SPTBN1: variants seen among roughly 807,000 people sequenced by gnomAD.
SPTBN1 encodes the protein spectrin beta chain, non-erythrocytic 1.
A neutral mutation model predicts 266.4 loss-of-function variants in SPTBN1; 32 were observed. That is an observed-to-expected ratio of 0.12 (90% CI 0.09 to 0.16). The LOEUF (loss-of-function observed/expected upper bound fraction) is 0.16. Ranked by LOEUF, SPTBN1 falls within the 10% of genes least tolerant of loss-of-function variation. The probability of loss-of-function intolerance (pLI) is 1.00; values close to 1 mark genes in which losing one functional copy is unlikely to be tolerated. For missense variants in SPTBN1, 2,296 were observed against 3,067.1 expected (o/e 0.75, Z 5.94); for synonymous variants, 1,336 against 1,162.2 (o/e 1.15, Z -3.04).
At chr2:54,665,804 G>T in intron 33 of SPTBN1, 111 bp from the exon 34 acceptor site, 1 of 1,249,720 alleles carries the variant, frequency 8.0e-7, no homozygotes, top group Non-Finnish European at 1.1e-6. Flanking sequence ...GTTGGGTGGG[G>T]TCACACTGTG....
intron 2 of SPTBN1, among the ~76,000 whole-genome samples, chr2:54,549,289 CA>C (rs35199228): frequency 0.64 from 69,125 of 108,606 alleles, 19,572 homozygotes; most frequent in Middle Eastern, 0.66. Context: ...AACTCTGTCT[CA>C]AAAAAAAAAA....
chr2:54,533,726 T>A lies in SPTBN1; in HGVS notation c.148+7160T>A, dbSNP rs918417052. ...CCACCACACCTGGCTAATTTTTGTA[T>A]TTTTAGTAGAGACGGGGTTTCACCA... is the stretch of plus-strand genomic sequence containing the variant. On this transcript the variant is annotated intron_variant, in intron 2 of 35. Coordinates refer to ENST00000356805, the MANE Select transcript of SPTBN1 (RefSeq NM_003128.3). This position sits in a 1 kb window ranked among gnomAD's most constrained non-coding sequence, Gnocchi z 4.2. 2.0e-5 allele frequency among the ~76,000 whole-genome samples: 3 copies of A among 152,130 alleles called. No homozygotes were observed. The highest frequency in any genetic ancestry group is 2.9e-5 in the Non-Finnish European group (2 of 67,998).
intron 3 of SPTBN1, among the ~76,000 whole-genome samples, chr2:54,602,779 C>T (rs1339944722): frequency 6.6e-6 from 1 of 152,172 alleles, no homozygotes; most frequent in Non-Finnish European, 1.5e-5. Context: ...TCAAAGCAGG[C>T]TGAGCTAGGT....
Position 54,558,657 on chromosome 2 carries a change from C to T in SPTBN1, c.148+32091C>T. ...CAGATCACCCTGCTGGACTTGCAGA[C>T]CGGAATGGGGCTCGCCTAAGGAGCC... On this transcript the variant is annotated intron_variant, in intron 2 of 35. Coordinates refer to ENST00000356805, the MANE Select transcript of SPTBN1 (RefSeq NM_003128.3). This position sits in a 1 kb window ranked among gnomAD's most constrained non-coding sequence, Gnocchi z 4.6. 6.7e-7 allele frequency: 1 copy of T among 1,496,578 alleles called. No individual in the cohort carries two copies. Among genetic ancestry groups the T allele is most frequent in the Non-Finnish European group, 8.9e-7 (1 of 1,121,676 alleles). The allele number at this position is 1,496,578 out of a possible 1,614,324, so 92.7% of individuals were successfully genotyped here. A position where few individuals can be genotyped will look rare whatever the true frequency, so the allele number is the denominator to read the frequency against.
At chr2:54,635,256 A>G (rs1679041103) in intron 17 of SPTBN1, among the ~76,000 whole-genome samples, 1 of 152,230 alleles carries the variant, frequency 6.6e-6, no homozygotes, top group African/African-American at 2.4e-5. Context: ...CAACATGGAG[A>G]GAATTTCCTG....
intron 34 of SPTBN1, 116 bp downstream of exon 34, chr2:54,666,204 A>C: frequency 2.7e-6 from 3 of 1,123,104 alleles, no homozygotes; most frequent in Non-Finnish European, 2.5e-6. Flanking sequence ...TGCCATTTTA[A>C]ATCCCCAATA....
Position 54,649,254 on chromosome 2 carries a change from C to CA in SPTBN1, c.5202+65dup, listed in dbSNP as rs1680112630. On this transcript the variant is annotated intron_variant, in intron 25 of 35. Coordinates refer to ENST00000356805, the MANE Select transcript of SPTBN1 (RefSeq NM_003128.3). The surrounding 1 kb of genome is among the most constrained non-coding windows in gnomAD (Gnocchi z 6.7). ...AAGCGATGGTGTGGAAGGCCATTTGCATTCCTTGTCTGTGAGCAGATAAAA... is the reference window on the plus strand; with the variant it reads ...AAGCGATGGTGTGGAAGGCCATTTGCAATTCCTTGTCTGTGAGCAGATAAAA... 10 of 1,499,496 alleles carry CA rather than the reference C, an allele frequency of 6.7e-6. No individual in the cohort carries two copies. Among genetic ancestry groups the CA allele is most frequent in the Non-Finnish European group, 9.0e-6 (10 of 1,105,038 alleles). The allele number at this position is 1,499,496 out of a possible 1,614,324, so 92.9% of individuals were successfully genotyped here.
In SPTBN1 at chr2:54,659,269, G is replaced by C. The variant is rs1168885053; in HGVS notation, c.6356+3G>C. ...GAAGCCGAGTCCCAGCAGCAGTGGT[G>C]AGTCCCAGCAGCTCCAGAGGCTGGA... On this transcript the variant is annotated splice_donor_region_variant and intron_variant, in intron 31 of 35. Coordinates refer to ENST00000356805, the MANE Select transcript of SPTBN1 (RefSeq NM_003128.3). The C allele has an allele frequency of 6.2e-7, 1 of 1,613,956 alleles. No individual in the cohort carries two copies.
At chr2:54,655,681 C>A (rs1181992311) in intron 28 of SPTBN1, among the ~76,000 whole-genome samples, 1 of 152,258 alleles carries the variant, frequency 6.6e-6, no homozygotes, top group African/African-American at 2.4e-5. Context: ...AGCCTCCTCA[C>A]GACAAAACAG....
intron 2 of SPTBN1, chr2:54,546,769 C>T (rs1672262445): frequency 6.6e-6 from 1 of 151,830 alleles, no homozygotes; most frequent in Non-Finnish European, 1.5e-5. Flanking sequence ...ATCTTTTTTC[C>T]TAAGGGTGGA....
chr2:54,632,907 A>G (rs1174072896), intron 17 of SPTBN1, 139 bp downstream of exon 17: 5 of 889,742 alleles, frequency 5.6e-6, no homozygotes, highest in African/African-American at 1.7e-5. Context: ...AAGTTCATCT[A>G]CCCATACAGA....
chr2:54,606,660 A>G (rs1341633665), intron 3 of SPTBN1, among the ~76,000 whole-genome samples: 1 of 152,224 alleles, frequency 6.6e-6, no homozygotes, highest in East Asian at 1.9e-4. Context: ...ATGAGAAATG[A>G]TAGCTGATCC....
At chr2:54,500,145 G>A (rs1476417105) in intron 1 of SPTBN1, among the ~76,000 whole-genome samples, 1 of 152,192 alleles carries the variant, frequency 6.6e-6, no homozygotes, top group Non-Finnish European at 1.5e-5. Flanking sequence ...AAGAAAAATG[G>A]CAAGTAGTCA....
In SPTBN1 at chr2:54,612,307, C is replaced by T. The variant is rs1162974099; in HGVS notation, c.447C>T (p.Leu149=). The T allele has an allele frequency of 6.2e-7, 1 of 1,613,328 alleles. No individual in the cohort carries two copies. Among genetic ancestry groups the T allele is most frequent in the Non-Finnish European group, 8.5e-7 (1 of 1,179,438 alleles). ...GAAACCACCGGCTGACCCTTGGCCT[C>T]ATCTGGACCATCATCCTGCGCTTCC... ...VDGNHRLTLG[L]IWTIILRFQI... Residue 149 remains leucine, a synonymous_variant, in exon 4 of 36, where the codon CTC becomes CTT. Coordinates refer to ENST00000356805, the MANE Select transcript of SPTBN1 (RefSeq NM_003128.3).
chr2:54,467,013 C>G (rs999341442), intron 1 of SPTBN1, among the ~76,000 whole-genome samples: 1 of 151,828 alleles, frequency 6.6e-6, no homozygotes, highest in African/African-American at 2.4e-5. Context: ...GCCGAGAGAG[C>G]GCCTGACAGA....
chr2:54,622,967 C>T (rs1678092085), intron 9 of SPTBN1, among the ~76,000 whole-genome samples: 1 of 152,090 alleles, frequency 6.6e-6, no homozygotes, highest in South Asian at 2.1e-4. Flanking sequence ...ACAGGTTTTG[C>T]AACCCAAAAA....
chr2:54,560,527 C>G (rs551486264), intron 2 of SPTBN1, among the ~76,000 whole-genome samples: 2 of 152,294 alleles, frequency 1.3e-5, no homozygotes, highest in South Asian at 2.1e-4. Flanking sequence ...AATGTCTTAA[C>G]TGTCCTCTCT....
intron 2 of SPTBN1, among the ~76,000 whole-genome samples, chr2:54,587,324 ACATCTCC>A (rs1675359972): frequency 6.6e-6 from 1 of 152,192 alleles, no homozygotes; most frequent in Non-Finnish European, 1.5e-5. Flanking sequence ...TATCACACAG[ACATCTCC>A]CTTCTCCATA....
In SPTBN1 at chr2:54,533,917, C is replaced by T. The variant is rs1007098661; in HGVS notation, c.148+7351C>T. Among the ~76,000 whole-genome samples, 2 of 150,840 alleles carry T rather than the reference C, an allele frequency of 1.3e-5. No homozygotes were observed. The highest frequency in any genetic ancestry group is 2.9e-5 in the Non-Finnish European group (2 of 67,954). On this transcript the variant is annotated intron_variant, in intron 2 of 35. Coordinates refer to ENST00000356805, the MANE Select transcript of SPTBN1 (RefSeq NM_003128.3). The surrounding 1 kb of genome is among the most constrained non-coding windows in gnomAD (Gnocchi z 4.2). ...TCTCTCTCTCACACACACACACACACACACACACACGCACGCACGCACACA... is the reference window on the plus strand; with the variant it reads ...TCTCTCTCTCACACACACACACACATACACACACACGCACGCACGCACACA...
Sources: allele counts gnomAD v4.1 joint callset (sites outside exome capture counted in the v4.1 genomes callset), GRCh38; gene constraint gnomAD v4.1.1; non-coding constraint Gnocchi (gnomAD v3.1); transcripts MANE v1.5; gene names NCBI Gene and HGNC (gene_info 2026-07-23, HGNC 2026-07-21).